The following HCK variants were observed in gnomAD, a reference collection of about 807,000 sequenced individuals.
HCK encodes tyrosine-protein kinase HCK.
In HCK, 40 loss-of-function variants were observed where a neutral mutation model predicts 70.4. The ratio of observed to expected loss-of-function variants is 0.57; its 90% CI spans 0.44 to 0.74. HCK has a LOEUF of 0.74. Ranked by LOEUF, HCK falls within the 30% of genes least tolerant of loss-of-function variation. The pLI is 0.00. For synonymous variants in HCK, 245 were observed against 263.2 expected (o/e 0.93, Z 0.67); for missense variants, 568 against 697.2 (o/e 0.81, Z 2.09).
intron 1 of HCK, among the ~76,000 whole-genome samples, chr20:32,065,754 G>T (rs973298535): frequency 1.3e-5 from 2 of 152,184 alleles, no homozygotes; most frequent in Non-Finnish European, 2.9e-5. Flanking sequence ...GATTGGCCAG[G>T]CCTGTGTCAA....
chr20:32,054,146 A>G (rs2045227557), intron 1 of HCK: 1 of 437,614 alleles, frequency 2.3e-6, no homozygotes, highest in South Asian at 1.6e-5. Flanking sequence ...TTAATTTACT[A>G]AAAGTAACAG....
rs151045621 is a variant in HCK at position 32,071,703 on chromosome 20, A to G, written c.104A>G (p.Asn35Ser). 636 of 1,614,126 alleles carry G rather than the reference A, an allele frequency of 3.9e-4. No individual in the cohort carries two copies. Among genetic ancestry groups the G allele is most frequent in the Non-Finnish European group, 2.7e-4 (319 of 1,179,998 alleles). ...TCCAAGTTCCTCCAGGTCGGAGGCA[A>G]TACATTCTCAAAAACTGAAACCAGC... Residue 35 changes from asparagine (N) to serine (S), a missense_variant, in exon 2 of 13, where the codon AAT (asparagine) becomes AGT (serine). Asn to Ser is a conservative substitution (Grantham distance 46). This residue lies in a region of HCK where 318 missense variants were observed against 336.0 expected (regional missense o/e 0.95). Coordinates refer to ENST00000375852, the MANE Select transcript of HCK (RefSeq NM_002110.5).
intron 1 of HCK, among the ~76,000 whole-genome samples, chr20:32,056,288 C>T (rs917854219): frequency 6.6e-6 from 1 of 151,944 alleles, no homozygotes; most frequent in Non-Finnish European, 1.5e-5. Flanking sequence ...CTGAGGCGGG[C>T]GGATCACGAG....
chr20:32,060,429 C>T (rs375246831), intron 1 of HCK, among the ~76,000 whole-genome samples: 5 of 152,134 alleles, frequency 3.3e-5, no homozygotes, highest in African/African-American at 1.2e-4. Context: ...CCATGTTGGC[C>T]AGGCTTGTCT....
chr20:32,085,350 G>A (rs375871167), intron 8 of HCK, among the ~76,000 whole-genome samples: 2 of 151,978 alleles, frequency 1.3e-5, no homozygotes, highest in East Asian at 3.9e-4. Flanking sequence ...CCGTCTCTAC[G>A]AAAAAATACA....
intron 11 of HCK, among the ~76,000 whole-genome samples, chr20:32,094,751 A>AAGAAAGAGAGAG (rs1555877787): frequency 1.5e-4 from 13 of 87,954 alleles, no homozygotes; most frequent in East Asian, 5.0e-4. Flanking sequence ...GAAAGAAAGA[A>AAGAAAGAGAGAG]AGAAAGAAAG....
intron 10 of HCK, among the ~76,000 whole-genome samples, chr20:32,090,129 T>C (rs1274173330): frequency 6.6e-6 from 1 of 152,250 alleles, no homozygotes; most frequent in African/African-American, 2.4e-5. Context: ...TTCACTCCTA[T>C]GGGCCAGGTC....
In HCK at chr20:32,069,879, G is replaced by C. The variant is rs571920065; in HGVS notation, c.63-1783G>C. The C allele has an allele frequency of 3.0e-5, 18 of 603,108 alleles. No homozygotes were observed. The South Asian group carries it at 3.6e-4, about 12-fold the overall frequency. 37.4% of individuals were successfully genotyped at this position (603,108 alleles called of 1,614,324 possible). On this transcript the variant is annotated intron_variant, in intron 1 of 12. Transcript: ENST00000375852. ...ATTTTAACAAGATAAGTATAACTGA[G>C]TTCTAACTGCTTTAGAAGAAAATGG...
Position 32,101,286 on chromosome 20 carries a change from T to C in HCK, c.1379-31T>C, listed in dbSNP as rs529147453. 6.5e-5 allele frequency: 104 copies of C among 1,606,232 alleles called. 2 individuals are homozygous for C. The South Asian group carries it at 1.1e-3, about 18-fold the overall frequency. The stretch of plus-strand genomic sequence containing the variant: ...CCCTGGGCTCTCATTTCCCAACTGC[T>C]TCCGTTTCTAATTCCACGGCTCCTT... On this transcript the variant is annotated intron_variant, in intron 12 of 12. Coordinates refer to ENST00000375852, the MANE Select transcript of HCK (RefSeq NM_002110.5).
At chr20:32,093,013 C>G (rs765424624) in intron 10 of HCK, among the ~76,000 whole-genome samples, 6 of 152,032 alleles carry the variant, frequency 3.9e-5, no homozygotes, top group Non-Finnish European at 8.8e-5. Context: ...GGCACGATCT[C>G]GGCTCACTGC....
intron 1 of HCK, among the ~76,000 whole-genome samples, chr20:32,067,428 G>A (rs2045474429): frequency 6.6e-6 from 1 of 150,858 alleles, no homozygotes; most frequent in Non-Finnish European, 1.5e-5. Context: ...TCTACTTTTT[G>A]TATCTCCTAA....
Position 32,094,785 on chromosome 20 carries a change from A to AAGAAAGAC in HCK, c.1246+772_1246+773insAAGACAGA, listed in dbSNP as rs1569010239. On this transcript the variant is annotated intron_variant, in intron 11 of 12. Transcript: ENST00000375852. ...AGAAGGAAAGAAAGAAAGAGAGAGA[A>AAGAAAGAC]AGAGAAAGAAAGAAAGAAAGAAAGA... 8.0e-4 allele frequency among the ~76,000 whole-genome samples: 60 copies of AAGAAAGAC among 74,758 alleles called. 1 individual carries two copies. The highest frequency in any genetic ancestry group is 4.1e-3 in the African/African-American group (57 of 14,048). 49.0% of individuals were successfully genotyped at this position (74,758 alleles called of 152,430 possible).
chr20:32,098,189 C>T (rs965430275), intron 11 of HCK, among the ~76,000 whole-genome samples: 1 of 152,044 alleles, frequency 6.6e-6, no homozygotes, highest in Non-Finnish European at 1.5e-5. Flanking sequence ...ACTACAGGCA[C>T]CTGCCACCAT....
chr20:32,062,100 C>T (rs145509465), intron 1 of HCK, among the ~76,000 whole-genome samples: 9 of 151,984 alleles, frequency 5.9e-5, no homozygotes, highest in Admixed American at 2.6e-4. Context: ...CCACCATGCC[C>T]GCCTAATTTT....
chr20:32,074,040 G>T lies in HCK; in HGVS notation c.329+222G>T, dbSNP rs1338563821. Among the ~76,000 whole-genome samples the T allele has an allele frequency of 2.6e-5, 4 of 152,292 alleles. No homozygotes were observed. In the East Asian group the frequency reaches 5.8e-4, roughly 22 times the overall value. Reference sequence around the variant, plus strand: ...TGCACGTCCAGCCTGAGATGAACAGGTGACGCTTTCTCAGGGAAGCCTTTC... The same window carrying T: ...TGCACGTCCAGCCTGAGATGAACAGTTGACGCTTTCTCAGGGAAGCCTTTC... On this transcript the variant is annotated intron_variant, in intron 4 of 12. Coordinates refer to ENST00000375852, the MANE Select transcript of HCK (RefSeq NM_002110.5).
At chr20:32,092,556 T>C (rs1303947921) in intron 10 of HCK, among the ~76,000 whole-genome samples, 1 of 152,184 alleles carries the variant, frequency 6.6e-6, no homozygotes, top group Admixed American at 6.6e-5. Context: ...GCCATGGTGA[T>C]CTTTAAATGT....
intron 6 of HCK, among the ~76,000 whole-genome samples, chr20:32,081,356 G>A (rs901621967): frequency 2.0e-5 from 3 of 152,310 alleles, no homozygotes; most frequent in East Asian, 1.9e-4. Context: ...AAAACATCGC[G>A]TAGCTCAAAC....
chr20:32,066,241 C>T (rs948583311), intron 1 of HCK, among the ~76,000 whole-genome samples: 1 of 150,536 alleles, frequency 6.6e-6, no homozygotes, highest in Non-Finnish European at 1.5e-5. Flanking sequence ...CACTCACCAA[C>T]ATACTATAGA....
In HCK at chr20:32,079,831, C is replaced by A. The variant is rs780660187; in HGVS notation, c.486C>A (p.Gly162=). Reference sequence around the variant, plus strand: ...CAGAGCGCCAACTGCTGGCTCCCGGCAACATGCTGGGCTCCTTCATGATCC... The same window carrying A: ...CAGAGCGCCAACTGCTGGCTCCCGGAAACATGCTGGGCTCCTTCATGATCC... Residue 162 remains glycine (G), a synonymous_variant, in exon 6 of 13, where the codon GGC becomes GGA. Coordinates refer to ENST00000375852, the MANE Select transcript of HCK (RefSeq NM_002110.5). 4 of 1,614,128 alleles carry A rather than the reference C, an allele frequency of 2.5e-6. No individual in the cohort carries two copies. The East Asian group carries it at 6.7e-5, about 27-fold the overall frequency.
Sources: allele counts gnomAD v4.1 joint callset (sites outside exome capture counted in the v4.1 genomes callset), GRCh38; gene constraint gnomAD v4.1.1; regional missense constraint gnomAD v4.1.1; transcripts MANE v1.5; gene names NCBI Gene and HGNC (gene_info 2026-07-23, HGNC 2026-07-21).